Variants in CNTN6 observed in about 807,000 individuals in gnomAD.
CNTN6 encodes the protein contactin-6.
In CNTN6, 137 loss-of-function variants were observed where a neutral mutation model predicts 122.8. That is an observed-to-expected ratio of 1.12 (90% confidence interval 0.97 to 1.29). CNTN6 has a LOEUF of 1.29. Ranked by LOEUF, CNTN6 falls within the 50% of genes most tolerant of loss-of-function variation. The pLI, the probability that CNTN6 is intolerant of heterozygous loss-of-function variation, is 0.00. For missense variants in CNTN6, 1,634 were observed against 1,223.4 expected (o/e 1.34, Z -5.01); for synonymous variants, 570 against 426.0 (o/e 1.34, Z -4.16).
At position 1,326,021 on chromosome 3, in the gene CNTN6, T is replaced by C. The variant is rs1272172167; in HGVS notation, c.1083+70T>C. 7 of 1,359,298 alleles carry C rather than the reference T, an allele frequency of 5.1e-6. No individual in the cohort carries two copies. In the Admixed American group the frequency reaches 1.3e-4, roughly 25 times the overall value. The allele number at this position is 1,359,298 out of a possible 1,614,324, so 84.2% of individuals were successfully genotyped here. On this transcript the variant is annotated intron_variant, in intron 9 of 22. Transcript: ENST00000446702. ...TAAATTTTGTTACTAACAGTACTAG[T>C]AACTAACAGAAACAGCTAATGTTAA...
At chr3:1,338,915 G>A (rs1703485120) in intron 11 of CNTN6, among the ~76,000 whole-genome samples, 1 of 151,990 alleles carries the variant, frequency 6.6e-6, no homozygotes, top group African/African-American at 2.4e-5. Flanking sequence ...ATGCCAGTGA[G>A]TGTATTTAAA....
At chr3:1,182,198 G>T (rs1301500202) in intron 2 of CNTN6, among the ~76,000 whole-genome samples, 1 of 151,956 alleles carries the variant, frequency 6.6e-6, no homozygotes, top group African/African-American at 2.4e-5. Context: ...TCACTGTTTT[G>T]TCCCAATATC....
intron 8 of CNTN6, among the ~76,000 whole-genome samples, chr3:1,323,595 T>G (rs1701152516): frequency 6.6e-6 from 1 of 151,954 alleles, no homozygotes; most frequent in Admixed American, 6.6e-5. Flanking sequence ...GTTATATTGC[T>G]GTGTTTAAGT....
chr3:1,227,914 A>T lies in CNTN6; in HGVS notation c.279A>T (p.Gln93His), dbSNP rs200644882. 4.2e-5 allele frequency: 67 copies of T among 1,614,004 alleles called. 1 individual carries two copies. The highest frequency in any genetic ancestry group is 1.7e-4 in the Admixed American group (10 of 59,986). Residue 93 changes from glutamine (Q) to histidine (H), a missense_variant, in exon 4 of 23, where the codon CAA becomes CAT. Coordinates refer to ENST00000446702, the MANE Select transcript of CNTN6 (RefSeq NM_001289080.2). ...SLAINSPHTD[Q>H]DIGMYQCLAT... ...CAATCAATAGCCCCCACACAGATCA[A>T]GATATTGGCATGTACCAGTGCCTGG...
intron 1 of CNTN6, among the ~76,000 whole-genome samples, chr3:1,099,349 G>A (rs952086375): frequency 2.6e-5 from 4 of 152,064 alleles, no homozygotes; most frequent in Middle Eastern, 6.8e-3. Flanking sequence ...TACTGGGGAG[G>A]CTGAGGCGGG....
chr3:1,295,877 T>A, intron 6 of CNTN6, 73 bp downstream of exon 6: 1 of 1,351,320 alleles, frequency 7.4e-7, no homozygotes, highest in South Asian at 1.3e-5. Flanking sequence ...CGTAAAGCTT[T>A]CTGCTTCCTT....
At position 1,287,217 on chromosome 3, in the gene CNTN6, C is replaced by G. The variant is rs141377529; in HGVS notation, c.455-8384C>G. Among the ~76,000 whole-genome samples the G allele has an allele frequency of 1.6e-4, 24 of 152,260 alleles. No homozygotes were observed. In the East Asian group the frequency reaches 4.6e-3, roughly 29 times the overall value. On this transcript the variant is annotated intron_variant, in intron 5 of 22. Transcript: ENST00000446702. Reference sequence around the variant, plus strand: ...GAACTCAGCTCTGCACCAAGCAGATCTAATAGACATCTACGGGAGTAATTC... The same window carrying G: ...GAACTCAGCTCTGCACCAAGCAGATGTAATAGACATCTACGGGAGTAATTC...
intron 1 of CNTN6, among the ~76,000 whole-genome samples, chr3:1,095,758 A>G (rs925675729): frequency 3.3e-5 from 5 of 152,228 alleles, no homozygotes; most frequent in Admixed American, 2.0e-4. Context: ...ATGCATTTGC[A>G]ATGTGACTTG....
At chr3:1,382,836 T>A in intron 17 of CNTN6, 106 bp from the exon 18 acceptor site, 1 of 747,478 alleles carries the variant, frequency 1.3e-6, no homozygotes. Context: ...AGAATAAATA[T>A]CCATATTTGT....
chr3:1,133,379 G>A (rs561076576), intron 1 of CNTN6, among the ~76,000 whole-genome samples: 52 of 152,272 alleles, frequency 3.4e-4, no homozygotes, highest in African/African-American at 1.2e-3. Flanking sequence ...TATTGAGAGT[G>A]CAGACTGCCT....
intron 12 of CNTN6, among the ~76,000 whole-genome samples, chr3:1,370,734 G>C (rs1311883963): frequency 6.6e-6 from 1 of 152,058 alleles, no homozygotes; most frequent in Non-Finnish European, 1.5e-5. Flanking sequence ...TGTAATGCCA[G>C]CTACTCAGGA....
At chr3:1,367,825 C>T (rs912062720) in intron 12 of CNTN6, among the ~76,000 whole-genome samples, 15 of 152,088 alleles carry the variant, frequency 9.9e-5, no homozygotes, top group South Asian at 2.1e-4. Flanking sequence ...GCCATAGAAA[C>T]GGCAGTGGAT....
chr3:1,293,609 G>A (rs1283293091), intron 5 of CNTN6, among the ~76,000 whole-genome samples: 1 of 152,068 alleles, frequency 6.6e-6, no homozygotes, highest in Non-Finnish European at 1.5e-5. Context: ...TTGGCAAATA[G>A]CAACTCAGCT....
At chr3:1,273,211 C>T (rs2095054478) in intron 4 of CNTN6, among the ~76,000 whole-genome samples, 2 of 152,174 alleles carry the variant, frequency 1.3e-5, no homozygotes, top group African/African-American at 4.8e-5. Flanking sequence ...GGATTTGTAT[C>T]CCGTGCACAA....
At chr3:1,345,901 C>G (rs2126053706) in intron 11 of CNTN6, among the ~76,000 whole-genome samples, 1 of 152,018 alleles carries the variant, frequency 6.6e-6, no homozygotes, top group African/African-American at 2.4e-5. Context: ...GGAAGCAATA[C>G]TCCAGTTAAT....
At chr3:1,347,891 A>G (rs74368984) in intron 11 of CNTN6, among the ~76,000 whole-genome samples, 1 of 151,772 alleles carries the variant, frequency 6.6e-6, no homozygotes, top group Non-Finnish European at 1.5e-5. Flanking sequence ...CTGGCATTAG[A>G]CTCCTTTCGA....
intron 5 of CNTN6, among the ~76,000 whole-genome samples, chr3:1,294,861 T>C (rs1478818336): frequency 6.6e-6 from 1 of 152,190 alleles, no homozygotes; most frequent in African/African-American, 2.4e-5. Context: ...ACTCACATTA[T>C]TGGCAATTAG....
At chr3:1,292,980 C>T (rs1228425633) in intron 5 of CNTN6, among the ~76,000 whole-genome samples, 2 of 152,026 alleles carry the variant, frequency 1.3e-5, no homozygotes, top group Non-Finnish European at 2.9e-5. Flanking sequence ...TTTTTTCCCA[C>T]ATGACACTAC....
chr3:1,333,469 A>G (rs962969534), intron 11 of CNTN6, among the ~76,000 whole-genome samples: 2 of 152,112 alleles, frequency 1.3e-5, no homozygotes, highest in Non-Finnish European at 2.9e-5. Flanking sequence ...TTGTATATAT[A>G]TGAAGAATAA....
Sources: allele counts gnomAD v4.1 joint callset (sites outside exome capture counted in the v4.1 genomes callset), GRCh38; gene constraint gnomAD v4.1.1; transcripts MANE v1.5; gene names NCBI Gene and HGNC (gene_info 2026-07-23, HGNC 2026-07-21).